PRDM5: variants seen among roughly 807,000 people sequenced by gnomAD.
The protein encoded by PRDM5 is PR/SET domain 5.
A neutral mutation model predicts 81.2 loss-of-function variants in PRDM5; 56 were observed. That is an observed-to-expected ratio of 0.69 (90% CI 0.56 to 0.86). PRDM5 has a LOEUF of 0.86. Among genes scored for constraint, PRDM5 ranks in the 40% least tolerant of loss-of-function variants. The pLI is 0.00. For missense variants in PRDM5, 697 were observed against 770.1 expected (o/e 0.91, Z 1.12); for synonymous variants, 267 against 256.4 (o/e 1.04, Z -0.39).
At chr4:120,771,254 C>CTTTGGA (rs1205558513) in intron 13 of PRDM5, among the ~76,000 whole-genome samples, 1 of 152,076 alleles carries the variant, frequency 6.6e-6, no homozygotes, top group African/African-American at 2.4e-5. Flanking sequence ...ATCAAGCATA[C>CTTTGGA]TTTGGATTTA....
chr4:120,917,216 C>T (rs748014138), intron 1 of PRDM5, among the ~76,000 whole-genome samples: 1 of 152,134 alleles, frequency 6.6e-6, no homozygotes, highest in Non-Finnish European at 1.5e-5. Flanking sequence ...GGCAAACTCC[C>T]GTCTTAGGTC....
intron 14 of PRDM5, among the ~76,000 whole-genome samples, chr4:120,711,997 ATTC>A (rs1246130705): frequency 6.6e-6 from 1 of 152,188 alleles, no homozygotes. Flanking sequence ...TGCTATAAAC[ATTC>A]TTGGGCTGGG....
chr4:120,726,166 C>A (rs200794382), intron 14 of PRDM5, among the ~76,000 whole-genome samples: 1 of 152,114 alleles, frequency 6.6e-6, no homozygotes, highest in East Asian at 1.9e-4. Flanking sequence ...AATGCTTTCT[C>A]CCTCAAGAGG....
intron 2 of PRDM5, among the ~76,000 whole-genome samples, chr4:120,892,172 T>C (rs1337748000): frequency 6.6e-6 from 1 of 152,172 alleles, no homozygotes; most frequent in Non-Finnish European, 1.5e-5. Context: ...GGTCTGAAAG[T>C]GTGTTTGCTA....
At chr4:120,811,248 C>A in intron 8 of PRDM5, 122 bp downstream of exon 8, 2 of 556,688 alleles carry the variant, frequency 3.6e-6, no homozygotes, top group Non-Finnish European at 3.1e-6. Flanking sequence ...TAATAATTGC[C>A]ATTGATTTTT....
chr4:120,790,603 AAAC>A (rs1578744890), intron 10 of PRDM5, among the ~76,000 whole-genome samples: 1 of 152,340 alleles, frequency 6.6e-6, no homozygotes, highest in South Asian at 2.1e-4. Flanking sequence ...TCAAAGAGAC[AAAC>A]AACAAGGGAG....
At chr4:120,882,684 G>T (rs1345225313) in intron 2 of PRDM5, among the ~76,000 whole-genome samples, 3 of 152,000 alleles carry the variant, frequency 2.0e-5, no homozygotes, top group Non-Finnish European at 4.4e-5. Flanking sequence ...ATCTACAAAG[G>T]TATTATTGGA....
At chr4:120,905,897 G>T (rs1031052847) in intron 2 of PRDM5, among the ~76,000 whole-genome samples, 1 of 152,044 alleles carries the variant, frequency 6.6e-6, no homozygotes, top group African/African-American at 2.4e-5. Context: ...AGTCAACAGT[G>T]ACTATACATA....
chr4:120,899,580 TCACAA>T, intron 2 of PRDM5, among the ~76,000 whole-genome samples: 1 of 152,242 alleles, frequency 6.6e-6, no homozygotes, highest in Admixed American at 6.5e-5. Flanking sequence ...TACTTTATTC[TCACAA>T]CACAGTCAAC....
Position 120,816,547 on chromosome 4 carries a change from C to T in PRDM5, c.771G>A (p.Arg257=). 6.2e-7 allele frequency: 1 copy of T among 1,614,132 alleles called. No individual in the cohort carries two copies. Among genetic ancestry groups the T allele is most frequent in the Non-Finnish European group, 8.5e-7 (1 of 1,180,012 alleles). The change falls in exon 7 of 16, where the codon CGG becomes CGA. Residue 257 remains arginine (R), a synonymous_variant. Coordinates refer to ENST00000264808, the MANE Select transcript of PRDM5 (RefSeq NM_018699.4). ...SSFEQHQETC[R]GDARFVCKAD... ...CCTTGCACACAAACCTGGCATCCCC[C>T]CGGCAAGTCTCCTGGTGCTGCTCAA...
At chr4:120,737,525 T>A (rs1741294237) in intron 14 of PRDM5, among the ~76,000 whole-genome samples, 2 of 152,188 alleles carry the variant, frequency 1.3e-5, no homozygotes, top group African/African-American at 4.8e-5. Flanking sequence ...CTTGGGATTA[T>A]GTGTTACTTA....
At chr4:120,815,660 C>T (rs1754392056) in intron 7 of PRDM5, among the ~76,000 whole-genome samples, 1 of 152,154 alleles carries the variant, frequency 6.6e-6, no homozygotes, top group African/African-American at 2.4e-5. Context: ...CACATAGCCA[C>T]CCATTTCCCA....
At chr4:120,783,796 C>CT (rs34237698) in intron 11 of PRDM5, among the ~76,000 whole-genome samples, 5 of 152,078 alleles carry the variant, frequency 3.3e-5, no homozygotes, top group South Asian at 2.1e-4. Flanking sequence ...ATAACACTGC[C>CT]TTTTTTTACA....
At chr4:120,766,686 T>A (rs1208388861) in intron 13 of PRDM5, among the ~76,000 whole-genome samples, 1 of 152,206 alleles carries the variant, frequency 6.6e-6, no homozygotes, top group Non-Finnish European at 1.5e-5. Context: ...TGGAAAAAGT[T>A]TAAGCCTCGG....
intron 13 of PRDM5, among the ~76,000 whole-genome samples, chr4:120,772,020 A>G (rs938792469): frequency 1.3e-5 from 2 of 152,190 alleles, no homozygotes; most frequent in African/African-American, 4.8e-5. Flanking sequence ...AATTAGCTCA[A>G]AAGTATATGA....
chr4:120,835,828 A>G (rs1033891908), intron 3 of PRDM5, among the ~76,000 whole-genome samples: 2 of 152,180 alleles, frequency 1.3e-5, no homozygotes, highest in Non-Finnish European at 2.9e-5. Flanking sequence ...GAAAGAAAAA[A>G]AAAGTGACTC....
At chr4:120,798,841 C>A (rs1054277835) in intron 9 of PRDM5, among the ~76,000 whole-genome samples, 2 of 152,038 alleles carry the variant, frequency 1.3e-5, no homozygotes, top group Non-Finnish European at 2.9e-5. Context: ...TTCCAATGCT[C>A]GGCAGGAACC....
intron 2 of PRDM5, among the ~76,000 whole-genome samples, chr4:120,898,041 G>A (rs1764842481): frequency 6.6e-6 from 1 of 152,126 alleles, no homozygotes; most frequent in African/African-American, 2.4e-5. Context: ...GAAAAGTTTA[G>A]AGGATCCAGG....
At chr4:120,745,636 C>A (rs1397598866) in intron 14 of PRDM5, among the ~76,000 whole-genome samples, 4 of 136,406 alleles carry the variant, frequency 2.9e-5, no homozygotes, top group Non-Finnish European at 6.3e-5. Flanking sequence ...TATACACCAA[C>A]AACAGACAAA....
Sources: allele counts gnomAD v4.1 joint callset (sites outside exome capture counted in the v4.1 genomes callset), GRCh38; gene constraint gnomAD v4.1.1; transcripts MANE v1.5; gene names NCBI Gene and HGNC (gene_info 2026-07-23, HGNC 2026-07-21).